The following TEX101 variants were observed in gnomAD, a reference collection of about 807,000 sequenced individuals.
The protein encoded by TEX101 is testis expressed 101.
A neutral mutation model predicts 18.1 loss-of-function variants in TEX101; 10 were observed. That is an observed-to-expected ratio of 0.55 (90% CI 0.34 to 0.94). TEX101 has a LOEUF of 0.94. TEX101 is among the 40% of genes least tolerant of loss of function. The pLI, the probability that TEX101 is intolerant of heterozygous loss-of-function variation, is 0.02. For synonymous variants in TEX101, 94 were observed against 114.8 expected, an observed-to-expected ratio of 0.82 and a Z score of 1.16; for missense variants, 259 against 298.9, an observed-to-expected ratio of 0.87 and a Z score of 0.98.
chr19:43,408,286 T>C (rs1338164546), intron 3 of TEX101, among the ~76,000 whole-genome samples: 1 of 151,688 alleles, frequency 6.6e-6, no homozygotes, highest in Non-Finnish European at 1.5e-5. Context: ...CTCCTCGTTC[T>C]GCCCGGGCTC....
chr19:43,400,097 G>A (rs1970306919), upstream of TEX101, among the ~76,000 whole-genome samples: 1 of 152,200 alleles, frequency 6.6e-6, no homozygotes, highest in Non-Finnish European at 1.5e-5. Context: ...TTACAGGCGT[G>A]AGCCACCAAG....
intron 3 of TEX101, among the ~76,000 whole-genome samples, chr19:43,408,472 C>T (rs979848675): frequency 2.6e-5 from 4 of 152,100 alleles, no homozygotes; most frequent in Non-Finnish European, 5.9e-5. Flanking sequence ...GGCCGGTCAC[C>T]GCCCTTGCAC....
At chr19:43,390,738 A>T in the TEX101 span, among the ~76,000 whole-genome samples, 1 of 151,694 alleles carries the variant, frequency 6.6e-6, no homozygotes, top group Non-Finnish European at 1.5e-5. Flanking sequence ...AAGTGCTGGG[A>T]TTAGACGTAA....
chr19:43,389,735 C>A, the TEX101 span, among the ~76,000 whole-genome samples: 2 of 152,198 alleles, frequency 1.3e-5, no homozygotes, highest in Non-Finnish European at 2.9e-5. Context: ...CAGCCGGATG[C>A]CTAGCAGATG....
upstream of TEX101, among the ~76,000 whole-genome samples, chr19:43,410,863 C>CA (rs950831487): frequency 9.3e-5 from 14 of 150,306 alleles, no homozygotes; most frequent in Non-Finnish European, 1.8e-4. Flanking sequence ...CTATAAAGTA[C>CA]AAAAAAAAAA....
At chr19:43,400,535 A>G (rs533919854), upstream of TEX101, among the ~76,000 whole-genome samples, 2 of 152,320 alleles carry the variant, frequency 1.3e-5, no homozygotes, top group African/African-American at 4.8e-5. Flanking sequence ...TAAGAATAAC[A>G]GTACTGAATG....
At chr19:43,393,074 G>GGGAAGGAAGGAAGGAAGAAAGGAAGGAA in the TEX101 span, among the ~76,000 whole-genome samples, 4 of 129,402 alleles carry the variant, frequency 3.1e-5, no homozygotes, top group African/African-American at 1.3e-4. Flanking sequence ...AAAGAAAGAA[G>GGGAAGGAAGGAAGGAAGAAAGGAAGGAA]GGAAGGAAGG....
chr19:43,414,250 C>T (rs1000533845), upstream of TEX101, among the ~76,000 whole-genome samples: 1 of 152,206 alleles, frequency 6.6e-6, no homozygotes, highest in African/African-American at 2.4e-5. Context: ...GGTCCTGACA[C>T]GGACGCGTGG....
upstream of TEX101, among the ~76,000 whole-genome samples, chr19:43,411,751 A>G (rs1274925412): frequency 6.6e-6 from 1 of 151,898 alleles, no homozygotes; most frequent in African/African-American, 2.4e-5. Flanking sequence ...CCCAGGTTCA[A>G]GTGATTCTCC....
At chr19:43,411,573 A>G (rs1209886200), upstream of TEX101, among the ~76,000 whole-genome samples, 2 of 152,214 alleles carry the variant, frequency 1.3e-5, no homozygotes, top group African/African-American at 2.4e-5. Context: ...CTTTTTTACA[A>G]ACGTTCCATG....
chr19:43,391,371 T>C, the TEX101 span, among the ~76,000 whole-genome samples: 1 of 151,772 alleles, frequency 6.6e-6, no homozygotes, highest in African/African-American at 2.4e-5. Flanking sequence ...AGCGTTCCAA[T>C]TCCTCCTTGC....
At position 43,418,024 on chromosome 19, in the gene TEX101, T is replaced by C. The variant is rs777882769; in HGVS notation, c.520+18T>C. On this transcript the variant is annotated intron_variant, in intron 5 of 5. Transcript: ENST00000598265. ...CACTGGAGGTAAACTGAAATGAACA[T>C]CTGATAGTTTCAGAGGCTGGAAAAC... The C allele has an allele frequency of 5.6e-6, 9 of 1,613,990 alleles. No individual in the cohort carries two copies. Among genetic ancestry groups the C allele is most frequent in the Non-Finnish European group, 7.6e-6 (9 of 1,180,026 alleles).
the TEX101 span, among the ~76,000 whole-genome samples, chr19:43,390,245 G>A: frequency 8.6e-5 from 13 of 152,030 alleles, no homozygotes; most frequent in Admixed American, 5.2e-4. Context: ...CAGGCATGAA[G>A]AGCCTGTGTC....
chr19:43,417,059 C>T (rs1371101879), intron 4 of TEX101, among the ~76,000 whole-genome samples: 1 of 146,804 alleles, frequency 6.8e-6, no homozygotes, highest in Non-Finnish European at 1.5e-5. Context: ...AGCAATAAGA[C>T]ATCAGTGTAG....
upstream of TEX101, among the ~76,000 whole-genome samples, chr19:43,410,873 A>AT (rs552427164): frequency 7.2e-5 from 11 of 151,766 alleles, no homozygotes; most frequent in East Asian, 7.7e-4. Context: ...CAAAAAAAAA[A>AT]TTTTTTTTTG....
At chr19:43,399,342 T>A (rs1291201249), upstream of TEX101, among the ~76,000 whole-genome samples, 2 of 152,178 alleles carry the variant, frequency 1.3e-5, no homozygotes, top group Non-Finnish European at 2.9e-5. Context: ...TCAGGTGTTG[T>A]CAGCCTGATT....
At chr19:43,409,612 G>GT (rs913972873) in intron 3 of TEX101, among the ~76,000 whole-genome samples, 9 of 147,660 alleles carry the variant, frequency 6.1e-5, no homozygotes, top group South Asian at 2.1e-4. Context: ...TGAAGTACTA[G>GT]TAAAAAAAAA....
At chr19:43,407,343 G>A (rs1467938006) in intron 3 of TEX101, among the ~76,000 whole-genome samples, 2 of 152,104 alleles carry the variant, frequency 1.3e-5, no homozygotes, top group Non-Finnish European at 2.9e-5. Flanking sequence ...AAATTAGCCG[G>A]GCGTGGTGGC....
upstream of TEX101, among the ~76,000 whole-genome samples, chr19:43,401,136 A>C (rs1273228312): frequency 6.6e-6 from 1 of 152,238 alleles, no homozygotes; most frequent in African/African-American, 2.4e-5. Flanking sequence ...TTATTGAATA[A>C]AGCTGAGAAG....
Sources: gnomAD v4.1 joint callset for allele counts (sites outside exome capture counted in the v4.1 genomes callset) on GRCh38, gnomAD v4.1.1 for gene constraint, MANE v1.5 for transcripts, NCBI Gene and HGNC (gene_info 2026-07-23, HGNC 2026-07-21) for gene names.